CFAP20DC: variants seen among roughly 807,000 people sequenced by gnomAD.
CFAP20DC encodes the protein protein CFAP20DC.
CFAP20DC carries 84 observed loss-of-function variants against 101.7 expected under a neutral mutation model. That is an observed-to-expected ratio of 0.83 (90% CI 0.69 to 0.99). The LOEUF (loss-of-function observed/expected upper bound fraction) is 0.99. Among genes scored for constraint, CFAP20DC ranks in the 50% least tolerant of loss-of-function variants. The pLI, the probability that CFAP20DC is intolerant of heterozygous loss-of-function variation, is 0.00. For missense variants in CFAP20DC, 1,007 were observed against 970.3 expected, an observed-to-expected ratio of 1.04 and a Z score of -0.50; for synonymous variants, 359 against 351.2, an observed-to-expected ratio of 1.02 and a Z score of -0.25.
intron 6 of CFAP20DC, chr3:58,887,329 A>G (rs2081733292): frequency 6.6e-6 from 1 of 152,212 alleles, no homozygotes; most frequent in Admixed American, 6.5e-5. Flanking sequence ...ATAGAAGAAG[A>G]TAATTTCCAT....
At chr3:58,764,607 C>T (rs960443826) in intron 15 of CFAP20DC, among the ~76,000 whole-genome samples, 2 of 152,192 alleles carry the variant, frequency 1.3e-5, no homozygotes, top group African/African-American at 4.8e-5. Context: ...CCGTCTTCTG[C>T]ATCGCTCACA....
chr3:58,731,327 C>A (rs540634103), intron 3 of CFAP20DC, among the ~76,000 whole-genome samples: 3 of 152,336 alleles, frequency 2.0e-5, no homozygotes, highest in African/African-American at 7.2e-5. Flanking sequence ...TATTTTCACT[C>A]CTCTGAACAT....
At chr3:58,748,201 C>T (rs1219764783) in intron 16 of CFAP20DC, among the ~76,000 whole-genome samples, 1 of 152,098 alleles carries the variant, frequency 6.6e-6, no homozygotes, top group Non-Finnish European at 1.5e-5. Context: ...CTTTGTTACA[C>T]GTGAAGGAGG....
chr3:58,831,133 G>A (rs1401346433), intron 14 of CFAP20DC, among the ~76,000 whole-genome samples: 1 of 152,170 alleles, frequency 6.6e-6, no homozygotes, highest in African/African-American at 2.4e-5. Context: ...AGGGCAATGG[G>A]CCATACTGAA....
At chr3:58,781,410 C>A (rs1043281261) in intron 15 of CFAP20DC, among the ~76,000 whole-genome samples, 1 of 151,480 alleles carries the variant, frequency 6.6e-6, no homozygotes, top group African/African-American at 2.4e-5. Context: ...AAGAACAAAC[C>A]AAATCTAAAA....
chr3:58,941,327 CAAAAAAAA>C lies in CFAP20DC; in HGVS notation c.279-3573_279-3566del, dbSNP rs752324535. ...CTGGCGACAGAGCGAGACTCCGTCT[CAAAAAAAA>C]AAAAAAAAAAAAAAAAAAAAAGAAA... On this transcript the variant is annotated intron_variant, in intron 4 of 16. Transcript: ENST00000482387. Among the ~76,000 whole-genome samples the C allele has an allele frequency of 1.1e-3, 22 of 19,530 alleles. No individual in the cohort carries two copies. In the East Asian group the frequency reaches 0.012, roughly 11 times the overall value. 12.8% of individuals were successfully genotyped at this position (19,530 alleles called of 152,430 possible). A position where few individuals can be genotyped will look rare whatever the true frequency, so the allele number is the denominator to read the frequency against.
At chr3:58,915,351 G>C (rs1323333492) in intron 5 of CFAP20DC, among the ~76,000 whole-genome samples, 1 of 152,114 alleles carries the variant, frequency 6.6e-6, no homozygotes, top group Admixed American at 6.6e-5. Context: ...ATAGGGGATG[G>C]AAGTGTTGGG....
rs73837991 is a variant in CFAP20DC at position 58,867,696 on chromosome 3, A to T, written c.1135+121T>A. ...ATTTGATTTCCATAATCCTTGTAGA[A>T]CAGACATTTATATTTTAAATGGATT... is the stretch of plus-strand genomic sequence containing the variant. On this transcript the variant is annotated intron_variant, in intron 10 of 16. Transcript: ENST00000482387. 1,157 of 1,206,656 alleles carry T rather than the reference A, an allele frequency of 9.6e-4. 11 individuals are homozygous for T. In the African/African-American group the frequency reaches 0.016, roughly 17 times the overall value. 74.7% of individuals were successfully genotyped at this position (1,206,656 alleles called of 1,614,324 possible).
chr3:58,775,707 C>T (rs9864200), intron 15 of CFAP20DC, among the ~76,000 whole-genome samples: 27,610 of 150,410 alleles, frequency 0.18, 4,443 homozygotes, highest in African/African-American at 0.42. Context: ...AACTATAATT[C>T]TGGTCAGTCT....
intron 15 of CFAP20DC, among the ~76,000 whole-genome samples, chr3:58,776,538 C>T (rs2071355155): frequency 1.3e-5 from 2 of 151,560 alleles, no homozygotes; most frequent in African/African-American, 4.9e-5. Flanking sequence ...GACTTAAATC[C>T]TTTTCCTTTA....
chr3:58,923,668 C>A (rs755023171), intron 5 of CFAP20DC, among the ~76,000 whole-genome samples: 1 of 152,116 alleles, frequency 6.6e-6, no homozygotes, highest in Non-Finnish European at 1.5e-5. Context: ...TTCTTTATCA[C>A]TCTTTTTTCA....
chr3:58,723,448 T>C (rs1167277536), intron 3 of CFAP20DC, among the ~76,000 whole-genome samples: 1 of 152,228 alleles, frequency 6.6e-6, no homozygotes, highest in Non-Finnish European at 1.5e-5. Flanking sequence ...AAAGAACACA[T>C]AAGATGGTAT....
At position 58,857,416 on chromosome 3, in the gene CFAP20DC, C is replaced by T. The variant is rs115228935; in HGVS notation, c.1593+6142G>A. ...AGTTGATTATATACATAGACATATT[C>T]ATGAGTATGTACATGGACATTCATC... On this transcript the variant is annotated intron_variant, in intron 12 of 16. Transcript: ENST00000482387. 4.6e-3 allele frequency among the ~76,000 whole-genome samples: 701 copies of T among 152,258 alleles called. 5 individuals are homozygous for T. Among genetic ancestry groups the T allele is most frequent in the African/African-American group, 0.016 (685 of 41,550 alleles).
At chr3:58,906,094 A>C (rs1288352710) in intron 6 of CFAP20DC, among the ~76,000 whole-genome samples, 2 of 152,178 alleles carry the variant, frequency 1.3e-5, no homozygotes, top group Non-Finnish European at 2.9e-5. Flanking sequence ...AAATGGTGAT[A>C]ATGGCAACAT....
intron 3 of CFAP20DC, chr3:58,726,816 C>T (rs749463780): frequency 5.9e-5 from 15 of 252,408 alleles, no homozygotes; most frequent in South Asian, 2.7e-4. Context: ...CACTTCCACT[C>T]ACGCCATCAG....
intron 4 of CFAP20DC, among the ~76,000 whole-genome samples, chr3:58,942,444 C>T (rs755854343): frequency 6.6e-6 from 1 of 152,146 alleles, no homozygotes; most frequent in Admixed American, 6.5e-5. Flanking sequence ...CAGGGTGGGG[C>T]GTTGCCTCAC....
In CFAP20DC at chr3:58,849,096, G is replaced by C; in HGVS notation, c.1907C>G (p.Ser636Ter). ...TTCTTTCAGGGAGGTTTTGTTTAGTGAAGCTGGCACTTGCTGGGCTGATAG... is the reference window on the plus strand; with the variant it reads ...TTCTTTCAGGGAGGTTTTGTTTAGTCAAGCTGGCACTTGCTGGGCTGATAG... ...KDLSAQQVPASLNKTSLKEIS... is the reference protein window; with the variant it reads ...KDLSAQQVPA Residue 636 changes from serine (S) to a stop codon, truncating the protein, a stop_gained, in exon 13 of 17, where the codon TCA becomes TGA. Transcript: ENST00000482387. LOFTEE classifies it high-confidence loss of function. 7.2e-6 allele frequency: 11 copies of C among 1,536,086 alleles called. No individual in the cohort carries two copies. Among genetic ancestry groups the C allele is most frequent in the Non-Finnish European group, 9.6e-6 (11 of 1,146,908 alleles).
rs553842019 is a variant in CFAP20DC, at chr3:58,807,734, G to A, written c.2176-1278C>T. 4.6e-5 allele frequency among the ~76,000 whole-genome samples: 7 copies of A among 152,292 alleles called. No homozygotes were observed. In the East Asian group the frequency reaches 9.6e-4, roughly 21 times the overall value. ...ATGGAGAATGACTTTGACGAGTTGC[G>A]AGAAGAAGGCTTCAGATGATCAAAC... On this transcript the variant is annotated intron_variant, in intron 14 of 16. Transcript: ENST00000482387.
At chr3:58,957,144 A>G (rs1179206705) in intron 4 of CFAP20DC, among the ~76,000 whole-genome samples, 1 of 152,196 alleles carries the variant, frequency 6.6e-6, no homozygotes, top group Non-Finnish European at 1.5e-5. Flanking sequence ...AAGGAGCTCA[A>G]ACAACTCTAT....
Sources: gnomAD v4.1 joint callset for allele counts (sites outside exome capture counted in the v4.1 genomes callset) on GRCh38, gnomAD v4.1.1 for gene constraint, MANE v1.5 for transcripts, NCBI Gene and HGNC (gene_info 2026-07-23, HGNC 2026-07-21) for gene names.